The following EDA variants were observed in gnomAD, a reference collection of about 807,000 sequenced individuals.
The protein encoded by EDA is ectodysplasin-A.
A neutral mutation model predicts 23.6 loss-of-function variants in EDA; 2 were observed. That is an observed-to-expected ratio of 0.08 (90% CI 0.03 to 0.27). The LOEUF (loss-of-function observed/expected upper bound fraction) is 0.27. Among genes scored for constraint, EDA ranks in the 10% least tolerant of loss-of-function variants. The pLI is 1.00. For synonymous variants in EDA, 131 were observed against 132.0 expected, an observed-to-expected ratio of 0.99 and a Z score of 0.05; for missense variants, 229 against 324.2, an observed-to-expected ratio of 0.71 and a Z score of 2.26.
rs1490547528 is a variant in EDA at position 69,952,903 on chromosome X, C to G, written c.397-4124C>G. 2.7e-5 allele frequency among the ~76,000 whole-genome samples: 3 copies of G among 112,314 alleles called. No individual in the cohort carries two copies. In the East Asian group the frequency reaches 8.4e-4, roughly 32 times the overall value. On this transcript the variant is annotated intron_variant, in intron 1 of 7. Coordinates refer to ENST00000374552, the MANE Select transcript of EDA (RefSeq NM_001399.5). The stretch of plus-strand genomic sequence containing the variant: ...GAGCTCAGCCCATGAGGGAGCACAA[C>G]AAGTATGAGGGAATCTCTGGAATTG...
At chrX:69,710,617 C>T (rs888149625) in intron 1 of EDA, among the ~76,000 whole-genome samples, 1 of 111,772 alleles carries the variant, frequency 8.9e-6, no homozygotes, top group Admixed American at 9.5e-5. Context: ...TTCTTCCTAC[C>T]CATGAGCATG....
intron 1 of EDA, among the ~76,000 whole-genome samples, chrX:69,711,948 C>T (rs2012067959): frequency 9.0e-6 from 1 of 111,182 alleles, no homozygotes; most frequent in African/African-American, 3.3e-5. Flanking sequence ...AAACCAGCTC[C>T]TGGATTCATT....
At chrX:69,731,263 G>T (rs1441341499) in intron 1 of EDA, among the ~76,000 whole-genome samples, 1 of 110,704 alleles carries the variant, frequency 9.0e-6, no homozygotes, top group East Asian at 2.8e-4. Context: ...GGTCTGTGTG[G>T]TTAAAGGCTT....
chrX:69,872,155 A>G, intron 1 of EDA, among the ~76,000 whole-genome samples: 1 of 112,039 alleles, frequency 8.9e-6, no homozygotes, highest in Non-Finnish European at 1.9e-5. Context: ...ACTAAGCTTC[A>G]TAAATGAAGG....
intron 1 of EDA, among the ~76,000 whole-genome samples, chrX:69,876,388 G>T (rs1335501270): frequency 2.9e-5 from 3 of 102,362 alleles, no homozygotes; most frequent in Middle Eastern, 4.7e-3. Context: ...TTAATAATAA[G>T]AATAAAATAT....
chrX:69,791,598 G>A (rs2428150), intron 1 of EDA, among the ~76,000 whole-genome samples: 33,731 of 111,379 alleles, frequency 0.3, 4,747 homozygotes, highest in Middle Eastern at 0.55. Flanking sequence ...TATGCTAATA[G>A]ACAAATACTA....
chrX:69,964,049 G>A (rs182361146), intron 2 of EDA, among the ~76,000 whole-genome samples: 123 of 111,199 alleles, frequency 1.1e-3, no homozygotes, highest in African/African-American at 4.0e-3. Context: ...GTTCTCTAAA[G>A]GTCCTTCCTG....
Position 69,868,877 on chromosome X carries a change from T to C in EDA, c.397-88150T>C, listed in dbSNP as rs1289844522. ...ACCACATCTGGTACAACAGCTGCAA[T>C]TGGAGTTACCACTTGGTTAAGCTTA... On this transcript the variant is annotated intron_variant, in intron 1 of 7. Transcript: ENST00000374552. Among the ~76,000 whole-genome samples the C allele has an allele frequency of 2.7e-5, 3 of 111,892 alleles. No homozygotes were observed. In the Admixed American group the frequency reaches 2.8e-4, roughly 11 times the overall value.
chrX:69,853,872 G>T (rs1362422995), intron 1 of EDA, among the ~76,000 whole-genome samples: 1 of 111,815 alleles, frequency 8.9e-6, no homozygotes, highest in Non-Finnish European at 1.9e-5. Flanking sequence ...TTTGTTTTTG[G>T]TTTCTTTCAC....
chrX:69,777,282 T>C (rs991277887), intron 1 of EDA, among the ~76,000 whole-genome samples: 3 of 110,406 alleles, frequency 2.7e-5, no homozygotes, highest in African/African-American at 9.9e-5. Context: ...GTGAGTATTT[T>C]GTTGGCAGTT....
At chrX:69,894,094 A>G (rs1982351347) in intron 1 of EDA, among the ~76,000 whole-genome samples, 1 of 111,938 alleles carries the variant, frequency 8.9e-6, no homozygotes, top group Non-Finnish European at 1.9e-5. Context: ...TATATGGTAT[A>G]AGAAAGGGGT....
intron 1 of EDA, among the ~76,000 whole-genome samples, chrX:69,919,157 T>C (rs1250528609): frequency 8.9e-6 from 1 of 111,785 alleles, no homozygotes. Flanking sequence ...CCAGAGGGAT[T>C]GATTTATGAG....
chrX:69,712,206 G>A (rs1181217545), intron 1 of EDA, among the ~76,000 whole-genome samples: 4 of 111,032 alleles, frequency 3.6e-5, no homozygotes, highest in Admixed American at 9.7e-5. Flanking sequence ...CTTTGTTCTC[G>A]TTGGTTTCAA....
At chrX:70,016,691 C>T (rs1367294373) in intron 2 of EDA, among the ~76,000 whole-genome samples, 1 of 111,528 alleles carries the variant, frequency 9.0e-6, no homozygotes, top group Non-Finnish European at 1.9e-5. Context: ...AACAAAGATA[C>T]AACTTACCAG....
chrX:69,625,523 A>G (rs1485309548), intron 1 of EDA, among the ~76,000 whole-genome samples: 1 of 110,998 alleles, frequency 9.0e-6, no homozygotes, highest in African/African-American at 3.3e-5. Context: ...ATAAACTCTT[A>G]TATTTATAAT....
chrX:69,722,872 G>C (rs750246598), intron 1 of EDA, among the ~76,000 whole-genome samples: 1 of 111,975 alleles, frequency 8.9e-6, no homozygotes, highest in East Asian at 2.8e-4. Context: ...CAACTTTGTA[G>C]GGTTTTTATA....
chrX:69,628,121 C>G (rs1932453523), intron 1 of EDA, among the ~76,000 whole-genome samples: 1 of 111,946 alleles, frequency 8.9e-6, no homozygotes, highest in Non-Finnish European at 1.9e-5. Context: ...AAAGAAATTA[C>G]TTCTGAATTT....
chrX:70,002,746 A>G (rs2019756486), intron 2 of EDA, among the ~76,000 whole-genome samples: 1 of 112,130 alleles, frequency 8.9e-6, no homozygotes, highest in African/African-American at 3.2e-5. Flanking sequence ...ATGGAATTGG[A>G]CATGAACATC....
intron 1 of EDA, among the ~76,000 whole-genome samples, chrX:69,788,990 C>T (rs898664722): frequency 2.7e-5 from 3 of 112,809 alleles, no homozygotes; most frequent in African/African-American, 6.4e-5. Flanking sequence ...GATATAATCT[C>T]GTGGTGCCCC....
Sources: gnomAD v4.1 joint callset for allele counts (sites outside exome capture counted in the v4.1 genomes callset) on GRCh38, gnomAD v4.1.1 for gene constraint, MANE v1.5 for transcripts, NCBI Gene and HGNC (gene_info 2026-07-23, HGNC 2026-07-21) for gene names.